The following EPHB1 variants were observed in gnomAD, a reference collection of about 807,000 sequenced individuals.
EPHB1 encodes the protein EPH receptor B1.
In EPHB1, 30 loss-of-function variants were observed where a neutral mutation model predicts 94.4. That is an observed-to-expected ratio of 0.32 (90% CI 0.24 to 0.43). EPHB1 has a LOEUF of 0.43. Among genes scored for constraint, EPHB1 ranks in the 20% least tolerant of loss-of-function variants. EPHB1 has a pLI of 1.00. For missense variants in EPHB1, 1,055 were observed against 1,308.3 expected, an observed-to-expected ratio of 0.81 and a Z score of 2.99; for synonymous variants, 522 against 489.1, an observed-to-expected ratio of 1.07 and a Z score of -0.89.
At chr3:134,874,891 C>T (rs1463378924) in intron 1 of EPHB1, among the ~76,000 whole-genome samples, 4 of 152,240 alleles carry the variant, frequency 2.6e-5, no homozygotes, top group Admixed American at 2.0e-4. Context: ...AGCCCTCCCT[C>T]TGCCTTCATA....
intron 1 of EPHB1, among the ~76,000 whole-genome samples, chr3:134,903,665 T>G (rs2038253127): frequency 6.6e-6 from 1 of 152,104 alleles, no homozygotes; most frequent in South Asian, 2.1e-4. Context: ...CAGGTTTTAT[T>G]CTAGGGATGG....
Position 135,249,468 on chromosome 3 carries a change from G to T in EPHB1, c.2823G>T (p.Gln941His), listed in dbSNP as rs745652340. Residue 941 changes from glutamine (Q) to histidine (H), a missense_variant, in exon 15 of 16, where the codon CAG becomes CAT. Coordinates refer to ENST00000398015, the MANE Select transcript of EPHB1 (RefSeq NM_004441.5). Reference sequence around the variant, plus strand: ...TCACTGCTGGCTTCACCTCCCTCCAGCTGGTCACCCAGATGACATCAGAGT... The same window carrying T: ...TCACTGCTGGCTTCACCTCCCTCCATCTGGTCACCCAGATGACATCAGAGT... The part of the protein sequence containing the change: ...SFLTAGFTSL[Q>H]LVTQMTSEDL... 1 of 1,613,886 alleles carries T rather than the reference G, an allele frequency of 6.2e-7. No individual in the cohort carries two copies. Among genetic ancestry groups the T allele is most frequent in the Non-Finnish European group, 8.5e-7 (1 of 1,179,814 alleles).
chr3:135,250,157 C>G (rs1336401548), intron 15 of EPHB1, among the ~76,000 whole-genome samples: 1 of 152,138 alleles, frequency 6.6e-6, no homozygotes, highest in Non-Finnish European at 1.5e-5. Flanking sequence ...ATATTGTGTA[C>G]TTTATCACCC....
intron 1 of EPHB1, among the ~76,000 whole-genome samples, chr3:134,888,308 C>T (rs1160596785): frequency 6.6e-6 from 1 of 152,208 alleles, no homozygotes; most frequent in Non-Finnish European, 1.5e-5. Context: ...CTTCTGTGAG[C>T]TCCAAGCCAT....
chr3:135,198,210 A>G, intron 11 of EPHB1, among the ~76,000 whole-genome samples: 1 of 152,174 alleles, frequency 6.6e-6, no homozygotes, highest in East Asian at 1.9e-4. Context: ...TTGATCGGAG[A>G]TGGGTTGTCA....
chr3:135,116,237 A>C (rs989774742), intron 4 of EPHB1, among the ~76,000 whole-genome samples: 1 of 152,198 alleles, frequency 6.6e-6, no homozygotes, highest in Non-Finnish European at 1.5e-5. Flanking sequence ...AAACAAAAAA[A>C]CATTAAAAGT....
intron 15 of EPHB1, among the ~76,000 whole-genome samples, chr3:135,251,029 C>A (rs1933063879): frequency 6.6e-6 from 1 of 151,648 alleles, no homozygotes; most frequent in African/African-American, 2.4e-5. Flanking sequence ...TTCCTGGAGT[C>A]CAGCTCTACC....
At chr3:134,864,031 A>G (rs2037320729) in intron 1 of EPHB1, among the ~76,000 whole-genome samples, 1 of 152,202 alleles carries the variant, frequency 6.6e-6, no homozygotes, top group Admixed American at 6.5e-5. Context: ...TGGCTGTCTC[A>G]TTGGAAAAAT....
chr3:134,795,563 C>CCTGGGACGCGGCGCT lies in EPHB1; in HGVS notation c.-66_-52dup. 6.7e-7 allele frequency: 1 copy of CCTGGGACGCGGCGCT among 1,494,208 alleles called. No homozygotes were observed. 92.6% of individuals were successfully genotyped at this position (1,494,208 alleles called of 1,614,324 possible). On this transcript the variant is annotated 5_prime_UTR_variant, in exon 1 of 16. Coordinates refer to ENST00000398015, the MANE Select transcript of EPHB1 (RefSeq NM_004441.5). The stretch of plus-strand genomic sequence containing the variant: ...CCACCCGCGGAGAGCGCAGCGGCGC[C>CCTGGGACGCGGCGCT]CTGGGACGCGGCGCTCTCCCGGCGC...
chr3:135,068,486 A>G (rs1300830139), intron 3 of EPHB1, among the ~76,000 whole-genome samples: 7 of 151,554 alleles, frequency 4.6e-5, no homozygotes, highest in African/African-American at 1.7e-4. Context: ...TTCTTTACCC[A>G]TTTTTAAATT....
chr3:134,945,535 T>C (rs549362168), intron 2 of EPHB1, among the ~76,000 whole-genome samples: 1 of 152,360 alleles, frequency 6.6e-6, no homozygotes, highest in East Asian at 1.9e-4. Flanking sequence ...ACTTGAAGTA[T>C]TGGGAGAAGC....
At chr3:135,005,664 G>A (rs868067306) in intron 3 of EPHB1, among the ~76,000 whole-genome samples, 10 of 152,240 alleles carry the variant, frequency 6.6e-5, no homozygotes, top group African/African-American at 1.7e-4. Context: ...CTCCTGGTGC[G>A]CTGTTTTTTA....
rs187315496 is a variant in EPHB1 at position 135,091,991 on chromosome 3, T to A, written c.806-14457T>A. On this transcript the variant is annotated intron_variant, in intron 3 of 15. Transcript: ENST00000398015. ...TAAGAACTTGGTTATAAATTTTTTT[T>A]AAACGGAATCCATTAAGGTCTGTGT... 4.1e-3 allele frequency among the ~76,000 whole-genome samples: 632 copies of A among 152,302 alleles called. 4 individuals are homozygous for A. The highest frequency in any genetic ancestry group is 0.014 in the African/African-American group (600 of 41,574).
At chr3:134,917,333 G>A (rs776800186) in intron 1 of EPHB1, among the ~76,000 whole-genome samples, 4 of 152,162 alleles carry the variant, frequency 2.6e-5, no homozygotes, top group African/African-American at 4.8e-5. Context: ...ACACAGCTCC[G>A]TACATTGAAA....
At chr3:134,816,765 T>C (rs1358766279) in intron 1 of EPHB1, among the ~76,000 whole-genome samples, 1 of 151,936 alleles carries the variant, frequency 6.6e-6, no homozygotes, top group Non-Finnish European at 1.5e-5. Context: ...GCCAATGTTC[T>C]AAGCAGCTTA....
intron 3 of EPHB1, among the ~76,000 whole-genome samples, chr3:135,093,211 G>A (rs533461683): frequency 1.3e-5 from 2 of 152,294 alleles, no homozygotes; most frequent in South Asian, 4.1e-4. Context: ...ACTAACATGA[G>A]TGAGGAGGTG....
chr3:135,032,164 G>T (rs1033012239), intron 3 of EPHB1, among the ~76,000 whole-genome samples: 2 of 151,300 alleles, frequency 1.3e-5, no homozygotes, highest in East Asian at 3.9e-4. Context: ...GTGCTTTTTG[G>T]ATAACTTCTA....
rs566153632 is a variant in EPHB1, at chr3:134,903,128, T to G, written c.59-22688T>G. On this transcript the variant is annotated intron_variant, in intron 1 of 15. Transcript: ENST00000398015. ...TCGGTATTACTAAAACTTATGTTTC[T>G]CTCATCTTATTTGATGTATTAAAAA... Among the ~76,000 whole-genome samples the G allele has an allele frequency of 5.3e-5, 8 of 152,370 alleles. 1 individual carries two copies. Among genetic ancestry groups the G allele is most frequent in the African/African-American group, 1.9e-4 (8 of 41,580 alleles).
At chr3:135,033,601 G>A (rs1397072581) in intron 3 of EPHB1, among the ~76,000 whole-genome samples, 4 of 152,200 alleles carry the variant, frequency 2.6e-5, no homozygotes, top group African/African-American at 9.7e-5. Context: ...CATAGCACTG[G>A]GGATTCCACA....
Sources: gnomAD v4.1 joint callset for allele counts (sites outside exome capture counted in the v4.1 genomes callset) on GRCh38, gnomAD v4.1.1 for gene constraint, MANE v1.5 for transcripts, NCBI Gene and HGNC (gene_info 2026-07-23, HGNC 2026-07-21) for gene names.